LSM4: variants seen among roughly 807,000 people sequenced by gnomAD.
The protein encoded by LSM4 is LSM4 homolog, U6 small nuclear RNA and mRNA degradation associated.
In LSM4, 15 loss-of-function variants were observed where a neutral mutation model predicts 22.3. The observed-to-expected ratio is 0.67, with a 90% CI of 0.45 to 1.03. LSM4 has a LOEUF of 1.03. Among genes scored for constraint, LSM4 ranks in the 50% least tolerant of loss-of-function variants. The pLI, the probability that LSM4 is intolerant of heterozygous loss-of-function variation, is 0.00. For missense variants in LSM4, 127 were observed against 198.0 expected (o/e 0.64, Z 2.15); for synonymous variants, 90 against 79.8 (o/e 1.13, Z -0.68).
chr19:18,319,293 G>A (rs577968269), intron 1 of LSM4, among the ~76,000 whole-genome samples: 70 of 151,838 alleles, frequency 4.6e-4, no homozygotes, highest in African/African-American at 1.5e-3. Context: ...GCTAGGCGCC[G>A]TGGCTCATGC....
intron 1 of LSM4, among the ~76,000 whole-genome samples, chr19:18,320,163 G>C (rs1337589087): frequency 6.6e-6 from 1 of 152,210 alleles, no homozygotes; most frequent in African/African-American, 2.4e-5. Context: ...CTGTTGGAGA[G>C]AGGTCAGAGG....
intron 1 of LSM4, among the ~76,000 whole-genome samples, chr19:18,318,083 T>A (rs1600170985): frequency 6.6e-6 from 1 of 152,152 alleles, no homozygotes; most frequent in African/African-American, 2.4e-5. Context: ...GACACAGGCT[T>A]CACCTAGCCC....
intron 3 of LSM4, among the ~76,000 whole-genome samples, chr19:18,311,599 G>A (rs1007205064): frequency 1.3e-5 from 2 of 152,188 alleles, no homozygotes; most frequent in African/African-American, 4.8e-5. Context: ...CCCGCTGGCC[G>A]CAGATGGGAG....
chr19:18,313,924 A>T (rs1402701668), intron 2 of LSM4, among the ~76,000 whole-genome samples: 10 of 152,144 alleles, frequency 6.6e-5, no homozygotes, highest in African/African-American at 2.2e-4. Context: ...GGTTCAAGTG[A>T]TTCTCCTGCC....
chr19:18,307,568 G>C lies in LSM4; in HGVS notation c.329-13C>G. 1 of 1,495,152 alleles carries C rather than the reference G, an allele frequency of 6.7e-7. No homozygotes were observed. The highest frequency in any genetic ancestry group is 9.0e-7 in the Non-Finnish European group (1 of 1,116,980). 92.6% of individuals were successfully genotyped at this position (1,495,152 alleles called of 1,614,324 possible). On this transcript the variant is annotated splice_polypyrimidine_tract_variant and intron_variant, in intron 4 of 4. Transcript: ENST00000593829. ...CCACCAAACACACCTAGAGGACAGA[G>C]AGAGGGCGCTGCAGCAGAGCCAGGT... is the stretch of plus-strand genomic sequence containing the variant.
At chr19:18,311,738 C>G (rs1311157327) in intron 3 of LSM4, among the ~76,000 whole-genome samples, 3 of 152,142 alleles carry the variant, frequency 2.0e-5, no homozygotes, top group Non-Finnish European at 4.4e-5. Flanking sequence ...GCACAGCAGC[C>G]TCACCACCTG....
rs532121624 is a variant in LSM4 at position 18,316,328 on chromosome 19, C to T, written c.4-263G>A. On this transcript the variant is annotated intron_variant, in intron 1 of 4. Transcript: ENST00000593829. ...CACCACCTGCTCTTGGTGCTGAACACTCTGGTCAATTTTTTTTTTTTTTTT... is the reference window on the plus strand; with the variant it reads ...CACCACCTGCTCTTGGTGCTGAACATTCTGGTCAATTTTTTTTTTTTTTTT... The T allele has an allele frequency of 6.8e-4, 208 of 305,626 alleles. 1 individual carries two copies. Among genetic ancestry groups the T allele is most frequent in the Admixed American group, 3.6e-4 (7 of 19,234 alleles). The allele number at this position is 305,626 out of a possible 1,614,324, so 18.9% of individuals were successfully genotyped here. A position where few individuals can be genotyped will look rare whatever the true frequency, so the allele number is the denominator to read the frequency against.
chr19:18,316,208 T>A lies in LSM4; in HGVS notation c.4-143A>T, dbSNP rs891987485. On this transcript the variant is annotated intron_variant, in intron 1 of 4. Transcript: ENST00000593829. The stretch of plus-strand genomic sequence containing the variant: ...CGTGTCAATCACCCCCCACTGGAAA[T>A]GCCATTTCCTCACTCTGCCCAGCCC... 1.4e-5 allele frequency: 9 copies of A among 648,024 alleles called. No individual in the cohort carries two copies. The African/African-American group carries it at 1.6e-4, about 12-fold the overall frequency. 40.1% of individuals were successfully genotyped at this position (648,024 alleles called of 1,614,324 possible). A position where few individuals can be genotyped will look rare whatever the true frequency, so the allele number is the denominator to read the frequency against.
intron 2 of LSM4, 70 bp from the exon 3 acceptor site, chr19:18,312,772 T>C: frequency 1.7e-6 from 2 of 1,194,062 alleles, no homozygotes; most frequent in South Asian, 1.2e-5. Flanking sequence ...TCAGGAGGTG[T>C]AGCTCTGCCC....
intron 4 of LSM4, among the ~76,000 whole-genome samples, chr19:18,307,956 G>C (rs992204610): frequency 2.0e-5 from 3 of 151,932 alleles, no homozygotes; most frequent in Admixed American, 2.0e-4. Flanking sequence ...GCGGGGGGGG[G>C]GCCTCCTATG....
At chr19:18,322,907 C>A in intron 1 of LSM4, 111 bp downstream of exon 1, 1 of 1,474,604 alleles carries the variant, frequency 6.8e-7, no homozygotes, top group Non-Finnish European at 9.2e-7. Context: ...ACTCGAGGCT[C>A]GGACCTTACG....
rs1310894461 is a variant in LSM4, at chr19:18,307,287, G to A, written c.*177C>T. The A allele has an allele frequency of 1.7e-5, 8 of 464,136 alleles. No homozygotes were observed. Among genetic ancestry groups the A allele is most frequent in the East Asian group, 3.5e-5 (1 of 28,368 alleles). 28.8% of individuals were successfully genotyped at this position (464,136 alleles called of 1,614,324 possible). On this transcript the variant is annotated 3_prime_UTR_variant, in exon 5 of 5. Transcript: ENST00000593829. ...AAAACACCAAGTAACATTTCTAACC[G>A]GAGAATTGCCGGTTTTAGCAAGAAA... is the stretch of plus-strand genomic sequence containing the variant.
chr19:18,320,354 G>T (rs752598466), intron 1 of LSM4, among the ~76,000 whole-genome samples: 3 of 152,122 alleles, frequency 2.0e-5, no homozygotes, highest in Non-Finnish European at 4.4e-5. Flanking sequence ...AAAAAATCTA[G>T]AAATTAGCCA....
chr19:18,318,431 CG>C (rs1970384045), intron 1 of LSM4, among the ~76,000 whole-genome samples: 1 of 152,212 alleles, frequency 6.6e-6, no homozygotes, highest in Admixed American at 6.5e-5. Context: ...CATGTGGCCC[CG>C]GGGCAGCTGC....
intron 3 of LSM4, chr19:18,312,073 A>T (rs1277146087): frequency 6.3e-6 from 1 of 158,338 alleles, no homozygotes; most frequent in African/African-American, 2.4e-5. Flanking sequence ...GGCCCGTGAC[A>T]CCAGGGGAAC....
chr19:18,311,667 G>A (rs959958804), intron 3 of LSM4, among the ~76,000 whole-genome samples: 3 of 152,090 alleles, frequency 2.0e-5, no homozygotes, highest in East Asian at 1.9e-4. Flanking sequence ...CCACCCAGAC[G>A]CCCTCCGACA....
At chr19:18,308,283 G>T (rs763394194) in intron 4 of LSM4, among the ~76,000 whole-genome samples, 1 of 152,172 alleles carries the variant, frequency 6.6e-6, no homozygotes, top group Non-Finnish European at 1.5e-5. Flanking sequence ...TGTGCCTGGC[G>T]CCCCTTCACG....
chr19:18,308,883 T>C (rs923116112), intron 4 of LSM4, among the ~76,000 whole-genome samples: 62 of 152,160 alleles, frequency 4.1e-4, no homozygotes, highest in African/African-American at 1.5e-3. Flanking sequence ...CTATCTGCAC[T>C]CCATGGCCCA....
Position 18,307,454 on chromosome 19 carries a change from G to C in LSM4, c.*10C>G, listed in dbSNP as rs201091476. On this transcript the variant is annotated 3_prime_UTR_variant, in exon 5 of 5. Coordinates refer to ENST00000593829, the MANE Select transcript of LSM4 (RefSeq NM_012321.5). ...CAGGAGGGGGCGCAGCAGCCGGTCTGGGTGGGCGCTCACTGTTTGCCCGCC... is the reference window on the plus strand; with the variant it reads ...CAGGAGGGGGCGCAGCAGCCGGTCTCGGTGGGCGCTCACTGTTTGCCCGCC... 7.2e-6 allele frequency: 11 copies of C among 1,526,394 alleles called. No homozygotes were observed. The highest frequency in any genetic ancestry group is 1.4e-5 in the African/African-American group (1 of 72,102). 94.6% of individuals were successfully genotyped at this position (1,526,394 alleles called of 1,614,324 possible).
Sources: allele counts gnomAD v4.1 joint callset (sites outside exome capture counted in the v4.1 genomes callset), GRCh38; gene constraint gnomAD v4.1.1; transcripts MANE v1.5; gene names NCBI Gene and HGNC (gene_info 2026-07-23, HGNC 2026-07-21).